The following BICC1 variants were observed in gnomAD, a reference collection of about 807,000 sequenced individuals.
BICC1 encodes the protein BicC family RNA binding protein 1, also known as protein bicaudal C homolog 1.
Under a neutral mutation model 111.0 loss-of-function variants are expected in BICC1, and 43 were observed. That is an observed-to-expected ratio of 0.39 (90% CI 0.30 to 0.50). BICC1 has a LOEUF of 0.50. BICC1 is among the 20% of genes least tolerant of loss of function. The probability of loss-of-function intolerance (pLI) is 0.88; values close to 1 mark genes in which losing one functional copy is unlikely to be tolerated. For synonymous variants in BICC1, 467 were observed against 434.4 expected, an observed-to-expected ratio of 1.07 and a Z score of -0.93; for missense variants, 1,091 against 1,203.2, an observed-to-expected ratio of 0.91 and a Z score of 1.38.
chr10:58,775,100 C>T lies in BICC1; in HGVS notation c.308-9901C>T, dbSNP rs530670693. Among the ~76,000 whole-genome samples the T allele has an allele frequency of 9.7e-4, 147 of 152,158 alleles. 1 individual carries two copies. The highest frequency in any genetic ancestry group is 3.3e-3 in the African/African-American group (139 of 41,536). ...ATTTAAGATATTTAAGGGCTGGGTG[C>T]GGTGGCTCATGCCTGTAATCCGAGC... On this transcript the variant is annotated intron_variant, in intron 3 of 20. Transcript: ENST00000373886.
intron 3 of BICC1, among the ~76,000 whole-genome samples, chr10:58,711,144 A>G (rs961416512): frequency 1.3e-5 from 2 of 152,176 alleles, no homozygotes; most frequent in African/African-American, 2.4e-5. Flanking sequence ...CTCTGTGCCT[A>G]CAGAATATTT....
chr10:58,803,386 G>A (rs1173373165), intron 15 of BICC1, 144 bp downstream of exon 15: 1 of 643,182 alleles, frequency 1.6e-6, no homozygotes. Flanking sequence ...TATATATGTA[G>A]CAGTTAGTTT....
chr10:58,716,868 C>A (rs1374574984), intron 3 of BICC1, among the ~76,000 whole-genome samples: 1 of 151,296 alleles, frequency 6.6e-6, no homozygotes. Flanking sequence ...AGTAGCCATA[C>A]TTCACGGGGA....
At chr10:58,522,956 G>A (rs1003237713) in intron 1 of BICC1, among the ~76,000 whole-genome samples, 16 of 152,172 alleles carry the variant, frequency 1.1e-4, no homozygotes, top group African/African-American at 3.1e-4. Flanking sequence ...AAATCTAGAA[G>A]AAATGGATTA....
intron 1 of BICC1, among the ~76,000 whole-genome samples, chr10:58,547,256 C>CCTTGGCTCCT (rs1843165266): frequency 6.6e-6 from 1 of 152,060 alleles, no homozygotes; most frequent in Non-Finnish European, 1.5e-5. Context: ...GTCATGTCTC[C>CCTTGGCTCCT]CTTGGCTCCT....
At chr10:58,802,538 C>T (rs1056380416) in intron 14 of BICC1, among the ~76,000 whole-genome samples, 38 of 152,288 alleles carry the variant, frequency 2.5e-4, no homozygotes, top group African/African-American at 8.4e-4. Context: ...GCCTGTCCCC[C>T]TCAACAGACT....
At chr10:58,783,180 C>T (rs1007218713) in intron 3 of BICC1, among the ~76,000 whole-genome samples, 1 of 151,984 alleles carries the variant, frequency 6.6e-6, no homozygotes, top group African/African-American at 2.4e-5. Flanking sequence ...TGCTTGAGAC[C>T]AAGAGCAGCC....
intron 1 of BICC1, among the ~76,000 whole-genome samples, chr10:58,523,359 T>C (rs1398559985): frequency 2.0e-5 from 3 of 152,168 alleles, no homozygotes; most frequent in South Asian, 4.1e-4. Flanking sequence ...TCCACCACGA[T>C]CAAGTTGGCT....
Position 58,647,369 on chromosome 10 carries a change from C to A in BICC1, c.237+26468C>A, listed in dbSNP as rs72802421. Among the ~76,000 whole-genome samples, 254 of 152,246 alleles carry A rather than the reference C, an allele frequency of 1.7e-3. 1 individual carries two copies. Among genetic ancestry groups the A allele is most frequent in the Non-Finnish European group, 2.7e-3 (185 of 68,010 alleles). Reference sequence around the variant, plus strand: ...GAAAGTGTATTATTTTAGGAAAGAGCATGAATGTCAAAATAACTTCGCTGC... The same window carrying A: ...GAAAGTGTATTATTTTAGGAAAGAGAATGAATGTCAAAATAACTTCGCTGC... On this transcript the variant is annotated intron_variant, in intron 2 of 20. Coordinates refer to ENST00000373886, the MANE Select transcript of BICC1 (RefSeq NM_001080512.3).
intron 2 of BICC1, among the ~76,000 whole-genome samples, chr10:58,646,757 G>A (rs2132233300): frequency 6.7e-6 from 1 of 150,160 alleles, no homozygotes; most frequent in South Asian, 2.1e-4. Flanking sequence ...GCTGTAGTTG[G>A]GAGATATATG....
chr10:58,569,618 A>G (rs546437920), intron 1 of BICC1, among the ~76,000 whole-genome samples: 2 of 152,054 alleles, frequency 1.3e-5, no homozygotes, highest in East Asian at 1.9e-4. Flanking sequence ...TTCACCTCCC[A>G]CTTACGAGTG....
At chr10:58,687,931 C>T (rs554648347) in intron 2 of BICC1, among the ~76,000 whole-genome samples, 9 of 152,252 alleles carry the variant, frequency 5.9e-5, no homozygotes, top group South Asian at 2.1e-4. Context: ...CATCTTCTGT[C>T]GCTCACGCTG....
chr10:58,577,370 T>G (rs1331056119), intron 1 of BICC1, among the ~76,000 whole-genome samples: 2 of 152,144 alleles, frequency 1.3e-5, no homozygotes, highest in African/African-American at 4.8e-5. Flanking sequence ...TTTCCAGATT[T>G]GCTACAAATT....
chr10:58,558,604 G>T (rs1379956993), intron 1 of BICC1, among the ~76,000 whole-genome samples: 1 of 151,928 alleles, frequency 6.6e-6, no homozygotes, highest in Non-Finnish European at 1.5e-5. Context: ...CTCTATCTTG[G>T]CTGGCAGAGT....
chr10:58,592,396 T>C (rs889746476), intron 1 of BICC1, among the ~76,000 whole-genome samples: 6 of 152,132 alleles, frequency 3.9e-5, no homozygotes, highest in African/African-American at 1.2e-4. Context: ...TTTCCCTCTA[T>C]AAACCCTTCA....
intron 1 of BICC1, among the ~76,000 whole-genome samples, chr10:58,573,697 G>A (rs1334048135): frequency 6.6e-6 from 1 of 152,118 alleles, no homozygotes; most frequent in African/African-American, 2.4e-5. Context: ...TCTAATGTCA[G>A]TGAGGTGCCT....
intron 2 of BICC1, among the ~76,000 whole-genome samples, chr10:58,633,774 G>T (rs1033640942): frequency 4.6e-5 from 7 of 152,094 alleles, no homozygotes; most frequent in Non-Finnish European, 8.8e-5. Context: ...TTCAAATTTT[G>T]CAAGTAATAG....
intron 3 of BICC1, among the ~76,000 whole-genome samples, chr10:58,754,514 C>A (rs149932586): frequency 1.3e-3 from 193 of 152,306 alleles, no homozygotes; most frequent in African/African-American, 4.4e-3. Context: ...GTGGGTGTTT[C>A]CTCATGGAGA....
At chr10:58,798,679 A>C in intron 11 of BICC1, 119 bp downstream of exon 11, 1 of 908,872 alleles carries the variant, frequency 1.1e-6, no homozygotes, top group Non-Finnish European at 1.6e-6. Context: ...AGCATACTCC[A>C]TTGAAACAGA....
Sources: gnomAD v4.1 joint callset for allele counts (sites outside exome capture counted in the v4.1 genomes callset) on GRCh38, gnomAD v4.1.1 for gene constraint, MANE v1.5 for transcripts, NCBI Gene and HGNC (gene_info 2026-07-23, HGNC 2026-07-21) for gene names.